Variants in MMS22L observed in about 807,000 individuals in gnomAD.
MMS22L encodes the protein protein MMS22-like.
MMS22L carries 74 observed loss-of-function variants against 159.1 expected under a neutral mutation model. The ratio of observed to expected loss-of-function variants is 0.47; its 90% CI spans 0.39 to 0.56. MMS22L has a LOEUF of 0.56. Ranked by LOEUF, MMS22L falls within the 20% of genes least tolerant of loss-of-function variation. The pLI, the probability that MMS22L is intolerant of heterozygous loss-of-function variation, is 0.00. For missense variants in MMS22L, 1,351 were observed against 1,422.1 expected, an observed-to-expected ratio of 0.95 and a Z score of 0.80; for synonymous variants, 517 against 506.9, an observed-to-expected ratio of 1.02 and a Z score of -0.27.
intron 6 of MMS22L, chr6:97,270,238 T>C (rs575669169): frequency 1.7e-6 from 1 of 599,564 alleles, no homozygotes; most frequent in South Asian, 1.5e-5. Context: ...CTGAATAGAC[T>C]TGTATAGTAA....
At chr6:97,156,288 C>A (rs1283874268) in intron 22 of MMS22L, among the ~76,000 whole-genome samples, 8 of 152,074 alleles carry the variant, frequency 5.3e-5, no homozygotes, top group African/African-American at 1.9e-4. Context: ...GTTCACTCTG[C>A]TGATAGTTTC....
chr6:97,256,675 C>T (rs1813845642), intron 9 of MMS22L, among the ~76,000 whole-genome samples: 1 of 152,192 alleles, frequency 6.6e-6, no homozygotes, highest in Non-Finnish European at 1.5e-5. Flanking sequence ...TATTGGCCAG[C>T]TGTGGCAGCT....
chr6:97,153,811 T>C (rs2128235330), intron 22 of MMS22L, among the ~76,000 whole-genome samples: 1 of 152,348 alleles, frequency 6.6e-6, no homozygotes, highest in East Asian at 1.9e-4. Context: ...CATGCTTTTT[T>C]ATAGCCAAAC....
At chr6:97,248,177 G>C (rs1200639811) in intron 10 of MMS22L, among the ~76,000 whole-genome samples, 1 of 152,208 alleles carries the variant, frequency 6.6e-6, no homozygotes, top group Non-Finnish European at 1.5e-5. Flanking sequence ...CTGTTAACTT[G>C]ATCTGGAAAC....
At chr6:97,281,801 C>T (rs753618559) in intron 2 of MMS22L, among the ~76,000 whole-genome samples, 1 of 152,138 alleles carries the variant, frequency 6.6e-6, no homozygotes, top group Non-Finnish European at 1.5e-5. Context: ...AAAATAGTTT[C>T]CTCACTGAAA....
In MMS22L at chr6:97,282,395, T is replaced by A; in HGVS notation, c.83A>T (p.Tyr28Phe). The A allele has an allele frequency of 6.2e-7, 1 of 1,613,912 alleles. No individual in the cohort carries two copies. Residue 28 changes from tyrosine (Y) to phenylalanine (F), a missense_variant, in exon 2 of 25, where the codon TAC becomes TTC. By Grantham distance (22) the Tyr-to-Phe change is conservative. Coordinates refer to ENST00000683635, the MANE Select transcript of MMS22L (RefSeq NM_001350599.2). ...TCTGTTGTCAACAGCACAAGAAAAG[T>A]AAGGAGGTTTGCACCATTCCGTCCC... ...ELGTEWCKPP[Y>F]FSCAVDNRGG... is the part of the protein sequence containing the mutation.
At chr6:97,200,496 C>T (rs976982064) in intron 14 of MMS22L, among the ~76,000 whole-genome samples, 4 of 151,962 alleles carry the variant, frequency 2.6e-5, no homozygotes, top group African/African-American at 9.7e-5. Context: ...GCAAATGAAC[C>T]GATTTATCTG....
chr6:97,269,522 T>C (rs1475103785), intron 7 of MMS22L, among the ~76,000 whole-genome samples: 2 of 152,158 alleles, frequency 1.3e-5, no homozygotes, highest in Admixed American at 6.5e-5. Flanking sequence ...TGGCTAAATA[T>C]AGTAGAACCA....
chr6:97,223,557 C>T (rs1424516800), intron 14 of MMS22L, among the ~76,000 whole-genome samples: 1 of 152,090 alleles, frequency 6.6e-6, no homozygotes, highest in Non-Finnish European at 1.5e-5. Context: ...AAACTACTAT[C>T]AAAAAATCTT....
At chr6:97,213,433 T>C (rs1012848855) in intron 14 of MMS22L, among the ~76,000 whole-genome samples, 4 of 151,894 alleles carry the variant, frequency 2.6e-5, no homozygotes, top group Non-Finnish European at 5.9e-5. Context: ...GTTGTAGAAA[T>C]TTCCATAGTA....
At chr6:97,206,110 A>T (rs1807756775) in intron 14 of MMS22L, among the ~76,000 whole-genome samples, 1 of 152,204 alleles carries the variant, frequency 6.6e-6, no homozygotes, top group Non-Finnish European at 1.5e-5. Flanking sequence ...GGAATTTATC[A>T]GTTAATGGCT....
chr6:97,203,520 C>T (rs1004843035), intron 14 of MMS22L, among the ~76,000 whole-genome samples: 8 of 152,184 alleles, frequency 5.3e-5, no homozygotes, highest in Admixed American at 5.2e-4. Context: ...CAAAGCCACA[C>T]TAGTTGGCAA....
intron 22 of MMS22L, among the ~76,000 whole-genome samples, chr6:97,159,744 T>C (rs561983662): frequency 5.9e-5 from 9 of 151,980 alleles, no homozygotes; most frequent in African/African-American, 2.2e-4. Flanking sequence ...TTGTAAAAAA[T>C]TACCTTCAGG....
chr6:97,203,804 T>C (rs1807450860), intron 14 of MMS22L, among the ~76,000 whole-genome samples: 1 of 152,240 alleles, frequency 6.6e-6, no homozygotes, highest in South Asian at 2.1e-4. Flanking sequence ...ATATAATGAT[T>C]GTATGCCAAC....
At chr6:97,207,151 T>C (rs1304553579) in intron 14 of MMS22L, among the ~76,000 whole-genome samples, 1 of 152,204 alleles carries the variant, frequency 6.6e-6, no homozygotes, top group Non-Finnish European at 1.5e-5. Flanking sequence ...AAACTCTTTC[T>C]CAAAAAGATT....
chr6:97,149,095 T>C (rs1264402298), intron 24 of MMS22L, among the ~76,000 whole-genome samples: 3 of 152,214 alleles, frequency 2.0e-5, no homozygotes, highest in African/African-American at 7.2e-5. Context: ...AGGTGTGTGG[T>C]ATAGGCTATT....
At chr6:97,167,522 T>C (rs1447548646) in intron 20 of MMS22L, among the ~76,000 whole-genome samples, 1 of 152,086 alleles carries the variant, frequency 6.6e-6, no homozygotes, top group Non-Finnish European at 1.5e-5. Flanking sequence ...TAAATATCAT[T>C]ATGTCACTTC....
chr6:97,148,687 AAAAAAG>A (rs1170330216), intron 24 of MMS22L, among the ~76,000 whole-genome samples: 8 of 152,262 alleles, frequency 5.3e-5, no homozygotes, highest in East Asian at 3.9e-4. Flanking sequence ...AAAAAAGTTA[AAAAAAG>A]AAAAAGTTTA....
chr6:97,249,165 T>C (rs1289569480), intron 10 of MMS22L, among the ~76,000 whole-genome samples: 1 of 152,158 alleles, frequency 6.6e-6, no homozygotes, highest in Non-Finnish European at 1.5e-5. Flanking sequence ...ATAAAAATTA[T>C]GAACATTGAG....
Sources: allele counts gnomAD v4.1 joint callset (sites outside exome capture counted in the v4.1 genomes callset), GRCh38; gene constraint gnomAD v4.1.1; transcripts MANE v1.5; gene names NCBI Gene and HGNC (gene_info 2026-07-23, HGNC 2026-07-21).